The following ZNF385D variants were observed in gnomAD, a reference collection of about 807,000 sequenced individuals.
ZNF385D encodes zinc finger protein 385D.
ZNF385D carries 15 observed loss-of-function variants against 35.8 expected under a neutral mutation model. The ratio of observed to expected loss-of-function variants is 0.42; its 90% CI spans 0.28 to 0.64. The LOEUF is 0.64. ZNF385D is among the 30% of genes least tolerant of loss of function. The pLI, the probability that ZNF385D is intolerant of heterozygous loss-of-function variation, is 0.23. For synonymous variants in ZNF385D, 212 were observed against 186.8 expected (o/e 1.13, Z -1.10); for missense variants, 474 against 494.6 (o/e 0.96, Z 0.39).
intron 3 of ZNF385D, among the ~76,000 whole-genome samples, chr3:22,001,813 A>T (rs1454802419): frequency 6.6e-6 from 1 of 152,096 alleles, no homozygotes; most frequent in African/African-American, 2.4e-5. Flanking sequence ...CCTGAAAACT[A>T]TATAAATGAA....
chr3:21,989,008 C>T (rs561993952), intron 3 of ZNF385D, among the ~76,000 whole-genome samples: 9 of 152,212 alleles, frequency 5.9e-5, no homozygotes, highest in South Asian at 2.1e-4. Context: ...CGCCCTGCTT[C>T]GGCTCGCGCA....
chr3:22,346,013 A>G (rs1326530481), intron 2 of ZNF385D, among the ~76,000 whole-genome samples: 1 of 152,128 alleles, frequency 6.6e-6, no homozygotes, highest in African/African-American at 2.4e-5. Context: ...TGTTGATCCC[A>G]AAAAGAACTC....
At chr3:22,150,026 A>C (rs951011362) in intron 3 of ZNF385D, among the ~76,000 whole-genome samples, 64 of 152,196 alleles carry the variant, frequency 4.2e-4, no homozygotes, top group Non-Finnish European at 5.6e-4. Context: ...TGAAATAATG[A>C]ATTAAAATTC....
chr3:21,615,185 G>T (rs1418391805), intron 2 of ZNF385D, among the ~76,000 whole-genome samples: 1 of 152,118 alleles, frequency 6.6e-6, no homozygotes, highest in Non-Finnish European at 1.5e-5. Flanking sequence ...CCTCACCATG[G>T]TAATGAGCTC....
At chr3:22,355,362 C>A (rs915750037) in intron 2 of ZNF385D, among the ~76,000 whole-genome samples, 18 of 151,988 alleles carry the variant, frequency 1.2e-4, no homozygotes, top group African/African-American at 4.1e-4. Flanking sequence ...TGAATCTATA[C>A]ATCTATATTT....
At chr3:22,031,935 A>G (rs1698025880) in intron 3 of ZNF385D, among the ~76,000 whole-genome samples, 1 of 152,192 alleles carries the variant, frequency 6.6e-6, no homozygotes, top group African/African-American at 2.4e-5. Flanking sequence ...CTGCTTAGAA[A>G]TTTCTTTTAC....
At chr3:21,900,561 T>TTA (rs1027113777) in intron 3 of ZNF385D, among the ~76,000 whole-genome samples, 4 of 152,092 alleles carry the variant, frequency 2.6e-5, no homozygotes, top group African/African-American at 9.7e-5. Flanking sequence ...ATTTAGGTTC[T>TTA]TAGAAAAATA....
chr3:22,351,301 A>G (rs190084646), intron 2 of ZNF385D, among the ~76,000 whole-genome samples: 5 of 152,252 alleles, frequency 3.3e-5, no homozygotes, highest in Non-Finnish European at 5.9e-5. Flanking sequence ...TAGAAAGCAT[A>G]GCAATATATA....
intron 2 of ZNF385D, among the ~76,000 whole-genome samples, chr3:22,245,262 C>T (rs1449782997): frequency 6.6e-6 from 1 of 152,044 alleles, no homozygotes; most frequent in African/African-American, 2.4e-5. Flanking sequence ...AGAGATGAGA[C>T]TACCACATTG....
At chr3:22,174,690 C>T (rs757576288) in intron 2 of ZNF385D, among the ~76,000 whole-genome samples, 33 of 151,800 alleles carry the variant, frequency 2.2e-4, no homozygotes, top group East Asian at 5.8e-4. Flanking sequence ...TTTGGTTCAA[C>T]GGAAAATAAA....
intron 4 of ZNF385D, among the ~76,000 whole-genome samples, chr3:21,464,099 C>T (rs1703354503): frequency 6.6e-6 from 1 of 152,130 alleles, no homozygotes; most frequent in Admixed American, 6.5e-5. Context: ...TTAAATCTCT[C>T]CCCAGAACAA....
chr3:21,496,774 C>A (rs541431790), intron 4 of ZNF385D, among the ~76,000 whole-genome samples: 3 of 151,886 alleles, frequency 2.0e-5, no homozygotes, highest in Non-Finnish European at 4.4e-5. Context: ...TGTGACTCAT[C>A]ACATAAAGAG....
rs114752208 is a variant in ZNF385D, at chr3:22,041,527, G to A, written c.325+127290C>T. 3.1e-3 allele frequency among the ~76,000 whole-genome samples: 469 copies of A among 152,278 alleles called. 3 individuals carry two copies. The highest frequency in any genetic ancestry group is 7.0e-3 in the South Asian group (34 of 4,830). On this transcript the variant is annotated intron_variant, in intron 3 of 5. Transcript: ENST00000494108. ...TAAAATACAGAATGTGGAAGGCATA[G>A]CTTCACTACAATATCATTACTATTA...
chr3:21,873,146 A>G (rs561015506), intron 3 of ZNF385D, among the ~76,000 whole-genome samples: 13 of 152,278 alleles, frequency 8.5e-5, no homozygotes, highest in African/African-American at 3.1e-4. Context: ...TTACAGGTAG[A>G]TAGCTAGATG....
intron 3 of ZNF385D, among the ~76,000 whole-genome samples, chr3:21,793,826 A>T (rs140643825): frequency 1.0e-3 from 158 of 152,372 alleles, no homozygotes; most frequent in African/African-American, 3.7e-3. Context: ...ATCCACAAAA[A>T]GTTAGATCTA....
intron 3 of ZNF385D, among the ~76,000 whole-genome samples, chr3:22,062,319 G>C (rs938894684): frequency 6.6e-5 from 10 of 152,012 alleles, no homozygotes; most frequent in African/African-American, 2.4e-4. Context: ...CCTCCCAAAG[G>C]GCTGGAATTA....
At chr3:21,807,403 G>A (rs1328517847) in intron 3 of ZNF385D, among the ~76,000 whole-genome samples, 3 of 152,104 alleles carry the variant, frequency 2.0e-5, no homozygotes, top group Admixed American at 6.5e-5. Flanking sequence ...TGTTTATGGT[G>A]TAAACAATTG....
intron 2 of ZNF385D, among the ~76,000 whole-genome samples, chr3:22,223,647 T>C (rs1008436879): frequency 1.3e-5 from 2 of 152,296 alleles, no homozygotes; most frequent in East Asian, 1.9e-4. Flanking sequence ...CCAGCCACTA[T>C]GCTTAACACT....
intron 3 of ZNF385D, among the ~76,000 whole-genome samples, chr3:21,899,381 T>C (rs1250954808): frequency 6.6e-6 from 1 of 152,174 alleles, no homozygotes; most frequent in Non-Finnish European, 1.5e-5. Flanking sequence ...AAGAATCTAT[T>C]AGATCAGTGG....
Sources: allele counts gnomAD v4.1 joint callset (sites outside exome capture counted in the v4.1 genomes callset), GRCh38; gene constraint gnomAD v4.1.1; transcripts MANE v1.5; gene names NCBI Gene and HGNC (gene_info 2026-07-23, HGNC 2026-07-21).